TNC: variants seen among roughly 807,000 people sequenced by gnomAD.
TNC encodes tenascin C, also known as tenascin.
In TNC, 109 loss-of-function variants were observed where a neutral mutation model predicts 202.4. That is an observed-to-expected ratio of 0.54 (90% CI 0.46 to 0.63). TNC has a LOEUF of 0.63. Among genes scored for constraint, TNC ranks in the 30% least tolerant of loss-of-function variants. The pLI is 0.00. For missense variants in TNC, 2,756 were observed against 2,833.3 expected (o/e 0.97, Z 0.62); for synonymous variants, 1,007 against 1,089.7 (o/e 0.92, Z 1.50).
At chr9:115,089,524 G>A (rs373727327) in intron 2 of TNC, among the ~76,000 whole-genome samples, 2 of 151,408 alleles carry the variant, frequency 1.3e-5, no homozygotes, top group Admixed American at 6.6e-5. Context: ...TTTTCGGATG[G>A]TGTTTTGCTC....
intron 15 of TNC, among the ~76,000 whole-genome samples, chr9:115,056,878 T>A (rs1353815803): frequency 6.6e-6 from 1 of 152,248 alleles, no homozygotes; most frequent in Non-Finnish European, 1.5e-5. Flanking sequence ...GAGGTTAGAA[T>A]TCTTTTCTCT....
chr9:115,036,197 C>A lies in TNC; in HGVS notation c.5557G>T (p.Ala1853Ser). The A allele has an allele frequency of 1.2e-6, 2 of 1,614,156 alleles. No individual in the cohort carries two copies. The highest frequency in any genetic ancestry group is 1.6e-4 in the Middle Eastern group (1 of 6,062). Residue 1853 changes from alanine to serine, a missense_variant, in exon 21 of 28, where the codon GCT (alanine) becomes TCT (serine). Ala to Ser is a moderately conservative substitution (Grantham distance 99). Around this residue, in one of 2 missense-constraint regions of TNC, gnomAD observed 2,559 missense variants for 2,546.0 expected, o/e 1.01. Coordinates refer to ENST00000350763, the MANE Select transcript of TNC (RefSeq NM_002160.4). ...RTVSGNTVEY[A>S]LTDLEPATEY... ...GTGGCAGGCTCGAGGTCGGTCAGAGCATACTCCACTGTGTTCCCGGACACC... is the reference window on the plus strand; with the variant it reads ...GTGGCAGGCTCGAGGTCGGTCAGAGAATACTCCACTGTGTTCCCGGACACC...
chr9:115,071,299 C>A (rs1430263048), intron 10 of TNC, among the ~76,000 whole-genome samples: 2 of 152,108 alleles, frequency 1.3e-5, no homozygotes, highest in African/African-American at 4.8e-5. Flanking sequence ...TGGAGAAGAA[C>A]CAATAAAAAG....
intron 1 of TNC, among the ~76,000 whole-genome samples, chr9:115,117,596 G>A (rs1315205568): frequency 1.3e-5 from 2 of 152,170 alleles, no homozygotes; most frequent in African/African-American, 2.4e-5. Context: ...CCCAGGGGCA[G>A]GCTATGAGCA....
At chr9:115,091,302 A>G (rs886255566) in intron 1 of TNC, 148 bp from the exon 2 acceptor site, 2 of 380,656 alleles carry the variant, frequency 5.3e-6, no homozygotes, top group Non-Finnish European at 9.5e-6. Flanking sequence ...ATAACATACA[A>G]TGGTCTCTAA....
intron 14 of TNC, 78 bp from the exon 15 acceptor site, chr9:115,057,503 G>A: frequency 1.4e-6 from 2 of 1,413,720 alleles, no homozygotes; most frequent in South Asian, 2.7e-5. Flanking sequence ...GATTGAGGTT[G>A]TTAATAGAAC....
Position 115,087,032 on chromosome 9 carries a change from A to G in TNC, c.699T>C (p.Asn233=). 1 of 1,613,346 alleles carries G rather than the reference A, an allele frequency of 6.2e-7. No homozygotes were observed. Among genetic ancestry groups the G allele is most frequent in the Non-Finnish European group, 8.5e-7 (1 of 1,179,488 alleles). ...AGCCTTCGAAACAGATGCAGACTCCATTTACGCACTTGCCCTGGTCATTGC... is the reference window on the plus strand; with the variant it reads ...AGCCTTCGAAACAGATGCAGACTCCGTTTACGCACTTGCCCTGGTCATTGC... ...SDCNDQGKCV[N]GVCICFEGYA... is the part of the protein sequence containing the mutation. The change falls in exon 3 of 28, where the codon AAT becomes AAC. Residue 233 remains asparagine (N), a synonymous_variant. Coordinates refer to ENST00000350763, the MANE Select transcript of TNC (RefSeq NM_002160.4).
At chr9:115,028,222 TCCA>T (rs1343753678) in intron 25 of TNC, among the ~76,000 whole-genome samples, 1 of 152,088 alleles carries the variant, frequency 6.6e-6, no homozygotes, top group Non-Finnish European at 1.5e-5. Flanking sequence ...TAAGGAAAAA[TCCA>T]CTGCAGGGGC....
At chr9:115,078,838 C>A (rs1309587688) in intron 6 of TNC, among the ~76,000 whole-genome samples, 1 of 152,120 alleles carries the variant, frequency 6.6e-6, no homozygotes, top group Non-Finnish European at 1.5e-5. Flanking sequence ...ATGCTCAGAG[C>A]TCTGGAAGCA....
chr9:115,073,451 C>G (rs1833606177), intron 10 of TNC, 152 bp downstream of exon 10: 6 of 805,690 alleles, frequency 7.4e-6, no homozygotes, highest in Non-Finnish European at 1.1e-5. Flanking sequence ...GACGAGTAAG[C>G]AGCCCTTTCA....
At chr9:115,061,589 AT>A (rs1337874429) in intron 13 of TNC, among the ~76,000 whole-genome samples, 1 of 152,172 alleles carries the variant, frequency 6.6e-6, no homozygotes, top group Non-Finnish European at 1.5e-5. Context: ...TATTTTTGGA[AT>A]TTTATGTAGT....
chr9:115,033,331 C>T (rs1830085426), intron 22 of TNC, among the ~76,000 whole-genome samples: 1 of 151,984 alleles, frequency 6.6e-6, no homozygotes, highest in African/African-American at 2.4e-5. Flanking sequence ...AGTTCTAGTC[C>T]CTGGGGGAAA....
At chr9:115,074,015 T>G in intron 9 of TNC, 149 bp from the exon 10 acceptor site, 1 of 758,206 alleles carries the variant, frequency 1.3e-6, no homozygotes, top group Non-Finnish European at 2.1e-6. Context: ...TGGGTCTCTC[T>G]TTTTACTTTT....
intron 26 of TNC, 143 bp from the exon 27 acceptor site, chr9:115,024,279 A>C: frequency 1.3e-6 from 1 of 785,092 alleles, no homozygotes; most frequent in Non-Finnish European, 2.0e-6. Flanking sequence ...TCAGCATTGA[A>C]TGCGGAACTG....
chr9:115,053,072 G>A, intron 15 of TNC: 1 of 664,204 alleles, frequency 1.5e-6, no homozygotes, highest in Non-Finnish European at 2.8e-6. Context: ...GGAAGCAGTG[G>A]ATTTTTCCAG....
rs746763700 is a variant in TNC at position 115,064,941 on chromosome 9, G to A, written c.3215-22C>T. On this transcript the variant is annotated intron_variant, in intron 10 of 27. Transcript: ENST00000350763. ...TGTTCTGAATAATGACAGAGATGGG[G>A]TCAGTTAAACTATTCCTCAGAAAGT... 6 of 1,604,286 alleles carry A rather than the reference G, an allele frequency of 3.7e-6. No homozygotes were observed. In the African/African-American group the frequency reaches 8.0e-5, roughly 21 times the overall value.
At chr9:115,053,127 A>G (rs892986604) in intron 15 of TNC, 7 of 621,538 alleles carry the variant, frequency 1.1e-5, no homozygotes, top group African/African-American at 3.6e-5. Context: ...CCAAATACAT[A>G]CAGAAGAGAC....
chr9:115,069,576 C>T (rs1833203976), intron 10 of TNC, among the ~76,000 whole-genome samples: 2 of 140,896 alleles, frequency 1.4e-5, no homozygotes, highest in South Asian at 4.6e-4. Context: ...TCGTTCTTCC[C>T]TCCTCCCTTC....
In TNC at chr9:115,085,849, C is replaced by T. The variant is rs760946380; in HGVS notation, c.1867+15G>A. Reference sequence around the variant, plus strand: ...ATCATGGCCATTATATGCTGGTCTGCGCCCTGGCACTCACCCTCTGAGCAG... The same window carrying T: ...ATCATGGCCATTATATGCTGGTCTGTGCCCTGGCACTCACCCTCTGAGCAG... On this transcript the variant is annotated intron_variant, in intron 3 of 27. Coordinates refer to ENST00000350763, the MANE Select transcript of TNC (RefSeq NM_002160.4). 3.5e-5 allele frequency: 56 copies of T among 1,590,670 alleles called. No individual in the cohort carries two copies. The highest frequency in any genetic ancestry group is 1.7e-4 in the Middle Eastern group (1 of 6,006).
Sources: allele counts gnomAD v4.1 joint callset (sites outside exome capture counted in the v4.1 genomes callset), GRCh38; gene constraint gnomAD v4.1.1; regional missense constraint gnomAD v4.1.1; transcripts MANE v1.5; gene names NCBI Gene and HGNC (gene_info 2026-07-23, HGNC 2026-07-21).